The following POPDC1 variants were observed in gnomAD, a reference collection of about 807,000 sequenced individuals.
The protein encoded by POPDC1 is popeye domain-containing protein 1.
At chr6:105,103,002 A>C in the POPDC1 span, among the ~76,000 whole-genome samples, 1 of 152,270 alleles carries the variant, frequency 6.6e-6, no homozygotes, top group Admixed American at 6.5e-5. Flanking sequence ...CCAATTCTGC[A>C]CAGGGCACAG....
chr6:105,115,816 CT>C, the POPDC1 span: 1 of 1,613,240 alleles, frequency 6.2e-7, no homozygotes, highest in Non-Finnish European at 8.5e-7. Context: ...GATGTTCCAG[CT>C]TTTTGGCTTT....
At chr6:105,125,324 T>C in the POPDC1 span, 373 of 1,547,592 alleles carry the variant, frequency 2.4e-4, 4 homozygotes, top group South Asian at 2.4e-3. Flanking sequence ...TCCCATTCAC[T>C]TCCTTCCCAG....
At chr6:105,105,069 A>G in the POPDC1 span, among the ~76,000 whole-genome samples, 1 of 152,174 alleles carries the variant, frequency 6.6e-6, no homozygotes, top group Non-Finnish European at 1.5e-5. Flanking sequence ...CACTTAGAAC[A>G]CATCCTAGGA....
chr6:105,102,468 G>A, the POPDC1 span, among the ~76,000 whole-genome samples: 1 of 152,186 alleles, frequency 6.6e-6, no homozygotes, highest in Non-Finnish European at 1.5e-5. Flanking sequence ...CTTTGCCCTG[G>A]CACTCAGCCA....
chr6:105,100,302 G>A, the POPDC1 span: 5 of 152,050 alleles, frequency 3.3e-5, no homozygotes, highest in Non-Finnish European at 5.9e-5. Flanking sequence ...GAGGTCAGGA[G>A]ATCGAGACCA....
At chr6:105,105,774 G>A in the POPDC1 span, among the ~76,000 whole-genome samples, 1 of 152,128 alleles carries the variant, frequency 6.6e-6, no homozygotes, top group Admixed American at 6.5e-5. Context: ...TCAGAAATTT[G>A]CCCAGAGGCC....
At chr6:105,116,577 A>T in the POPDC1 span, 1 of 728,306 alleles carries the variant, frequency 1.4e-6, no homozygotes, top group Non-Finnish European at 2.1e-6. Context: ...TCTCAAGATT[A>T]CAAGTATCCC....
chr6:105,130,156 TAC>T, the POPDC1 span, among the ~76,000 whole-genome samples: 1 of 152,198 alleles, frequency 6.6e-6, no homozygotes, highest in Non-Finnish European at 1.5e-5. Context: ...AATTCTGCCT[TAC>T]AGAGTTTTCA....
the POPDC1 span, among the ~76,000 whole-genome samples, chr6:105,128,450 T>G: frequency 4.4e-4 from 67 of 152,282 alleles, no homozygotes; most frequent in Admixed American, 3.0e-3. Flanking sequence ...ATGCATAGAA[T>G]AGAATCACAG....
the POPDC1 span, among the ~76,000 whole-genome samples, chr6:105,104,796 A>C: frequency 6.6e-6 from 1 of 152,234 alleles, no homozygotes; most frequent in Non-Finnish European, 1.5e-5. Flanking sequence ...TCATCCAATC[A>C]GTAAAAGGAA....
the POPDC1 span, chr6:105,124,514 T>C: frequency 5.5e-6 from 8 of 1,453,458 alleles, no homozygotes; most frequent in Non-Finnish European, 7.7e-6. Context: ...GCAAACTAGT[T>C]TCAATCTCCT....
At chr6:105,127,920 A>G in the POPDC1 span, among the ~76,000 whole-genome samples, 1 of 152,128 alleles carries the variant, frequency 6.6e-6, no homozygotes, top group Non-Finnish European at 1.5e-5. Flanking sequence ...CTACCATGCC[A>G]GCTAATTTTT....
chr6:105,119,518 T>C, the POPDC1 span, among the ~76,000 whole-genome samples: 6,552 of 152,172 alleles, frequency 0.043, 471 homozygotes, highest in African/African-American at 0.15. Context: ...ATGAGGTGGG[T>C]GCATAAATGG....
chr6:105,101,057 T>C, the POPDC1 span: 1 of 1,584,886 alleles, frequency 6.3e-7, no homozygotes. Flanking sequence ...TCAAGACACC[T>C]TCCGTCTTGG....
chr6:105,110,031 T>C, the POPDC1 span, among the ~76,000 whole-genome samples: 5 of 152,056 alleles, frequency 3.3e-5, no homozygotes, highest in African/African-American at 1.2e-4. Context: ...ATTTTACAGG[T>C]AAGAAAATGC....
the POPDC1 span, among the ~76,000 whole-genome samples, chr6:105,121,789 T>A: frequency 1.3e-5 from 2 of 152,320 alleles, no homozygotes; most frequent in East Asian, 3.9e-4. Flanking sequence ...AGTCATTGAG[T>A]CCACTTGCCT....
the POPDC1 span, among the ~76,000 whole-genome samples, chr6:105,107,225 G>C: frequency 2.6e-5 from 4 of 151,782 alleles, no homozygotes; most frequent in Non-Finnish European, 5.9e-5. Context: ...GTCTTTCTGT[G>C]CCTGGTTTAT....
At chr6:105,129,659 T>A in the POPDC1 span, among the ~76,000 whole-genome samples, 1 of 152,160 alleles carries the variant, frequency 6.6e-6, no homozygotes, top group African/African-American at 2.4e-5. Context: ...ATGGATAGTA[T>A]ACAACTCTAT....
At chr6:105,129,627 C>T in the POPDC1 span, 1 of 937,524 alleles carries the variant, frequency 1.1e-6, no homozygotes, top group Non-Finnish European at 1.5e-6. Context: ...CTTTGCAAGA[C>T]CCCCAGTGAA....
Sources: allele counts gnomAD v4.1 joint callset (sites outside exome capture counted in the v4.1 genomes callset), GRCh38; gene constraint gnomAD v4.1.1; transcripts MANE v1.5; gene names NCBI Gene and HGNC (gene_info 2026-07-23, HGNC 2026-07-21).